The following NRXN3 variants were observed in gnomAD, a reference collection of about 807,000 sequenced individuals.
NRXN3 encodes the protein neurexin III.
A neutral mutation model predicts 137.6 loss-of-function variants in NRXN3; 32 were observed. The ratio of observed to expected loss-of-function variants is 0.23; its 90% CI spans 0.18 to 0.31. NRXN3 has a LOEUF of 0.31. Among genes scored for constraint, NRXN3 ranks in the 10% least tolerant of loss-of-function variants. The pLI, the probability that NRXN3 is intolerant of heterozygous loss-of-function variation, is 1.00. For missense variants in NRXN3, 1,574 were observed against 2,062.5 expected (o/e 0.76, Z 4.59); for synonymous variants, 798 against 784.5 (o/e 1.02, Z -0.29).
At chr14:79,593,810 GAAAAT>G (rs2097835021) in intron 16 of NRXN3, among the ~76,000 whole-genome samples, 1 of 151,964 alleles carries the variant, frequency 6.6e-6, no homozygotes, top group Admixed American at 6.6e-5. Context: ...ATACTTTTTG[GAAAAT>G]AAAATATTAA....
At chr14:79,347,124 C>A (rs1598970585) in intron 15 of NRXN3, among the ~76,000 whole-genome samples, 2 of 152,134 alleles carry the variant, frequency 1.3e-5, no homozygotes, top group African/African-American at 4.8e-5. Context: ...CTTGTCCCCC[C>A]ACCCTTATCT....
At chr14:78,677,847 C>T (rs923988400) in intron 6 of NRXN3, among the ~76,000 whole-genome samples, 2 of 152,160 alleles carry the variant, frequency 1.3e-5, no homozygotes, top group Non-Finnish European at 2.9e-5. Flanking sequence ...GTTATCAAAA[C>T]TGAGGCAGAC....
At chr14:79,814,259 A>T (rs1286790595) in intron 20 of NRXN3, among the ~76,000 whole-genome samples, 1 of 152,194 alleles carries the variant, frequency 6.6e-6, no homozygotes, top group Non-Finnish European at 1.5e-5. Flanking sequence ...GCAGTCAAGC[A>T]TGTGTCTCTT....
At chr14:79,387,702 G>C (rs568313457) in intron 15 of NRXN3, among the ~76,000 whole-genome samples, 22 of 151,788 alleles carry the variant, frequency 1.4e-4, no homozygotes, top group East Asian at 9.7e-4. Flanking sequence ...TTGGAACCAA[G>C]CCAAATGTCC....
intron 15 of NRXN3, among the ~76,000 whole-genome samples, chr14:79,224,162 A>AT (rs2070371415): frequency 6.6e-6 from 1 of 152,120 alleles, no homozygotes; most frequent in African/African-American, 2.4e-5. Context: ...TGCAAGGGTA[A>AT]TTTTTTTCCT....
At chr14:78,774,618 G>C (rs1186966423) in intron 8 of NRXN3, among the ~76,000 whole-genome samples, 1 of 152,152 alleles carries the variant, frequency 6.6e-6, no homozygotes, top group Non-Finnish European at 1.5e-5. Context: ...GAACCTAAGA[G>C]TCAAAAACAG....
intron 4 of NRXN3, among the ~76,000 whole-genome samples, chr14:78,545,125 C>A (rs1312888604): frequency 6.6e-6 from 1 of 152,064 alleles, no homozygotes; most frequent in Non-Finnish European, 1.5e-5. Flanking sequence ...ACTGGTTGTT[C>A]TCTTGTAAAT....
intron 19 of NRXN3, among the ~76,000 whole-genome samples, chr14:79,757,226 G>A (rs905958202): frequency 1.2e-4 from 18 of 152,112 alleles, no homozygotes; most frequent in Admixed American, 5.9e-4. Context: ...TAGCAACAAC[G>A]TATTCAGATG....
At chr14:78,787,196 T>G (rs1419040231) in intron 8 of NRXN3, among the ~76,000 whole-genome samples, 1 of 152,156 alleles carries the variant, frequency 6.6e-6, no homozygotes. Flanking sequence ...TTGAGGTTTG[T>G]TGAACTGGCA....
At chr14:79,777,490 G>C (rs1362651669) in intron 19 of NRXN3, among the ~76,000 whole-genome samples, 1 of 144,610 alleles carries the variant, frequency 6.9e-6, no homozygotes, top group East Asian at 2.0e-4. Context: ...AAAAAAAAAA[G>C]GTTCCTTTGC....
At chr14:79,818,800 C>T (rs2099261372) in intron 20 of NRXN3, among the ~76,000 whole-genome samples, 1 of 152,140 alleles carries the variant, frequency 6.6e-6, no homozygotes, top group African/African-American at 2.4e-5. Flanking sequence ...CTAAAAATCA[C>T]AATTAAAAAG....
chr14:79,555,470 A>G (rs1227659709), intron 16 of NRXN3, among the ~76,000 whole-genome samples: 1 of 152,158 alleles, frequency 6.6e-6, no homozygotes, highest in East Asian at 1.9e-4. Context: ...GGATGATTCG[A>G]TGTTTGCCCT....
At chr14:78,604,090 G>C (rs963695849) in intron 4 of NRXN3, among the ~76,000 whole-genome samples, 1 of 152,178 alleles carries the variant, frequency 6.6e-6, no homozygotes, top group Non-Finnish European at 1.5e-5. Context: ...GAGAGAATTA[G>C]AGCCAAGTGA....
At chr14:79,527,300 A>T (rs2153711819) in intron 16 of NRXN3, among the ~76,000 whole-genome samples, 1 of 150,102 alleles carries the variant, frequency 6.7e-6, no homozygotes, top group African/African-American at 2.4e-5. Flanking sequence ...TCTCAAAAAA[A>T]AAAAAAAAAA....
At chr14:79,504,649 A>ATATG (rs2096857310) in intron 16 of NRXN3, among the ~76,000 whole-genome samples, 2 of 124,264 alleles carry the variant, frequency 1.6e-5, no homozygotes, top group South Asian at 4.9e-4. Flanking sequence ...TTTTATATAT[A>ATATG]TATATGTATA....
chr14:78,963,733 C>G (rs2152988042), intron 11 of NRXN3, among the ~76,000 whole-genome samples: 1 of 152,202 alleles, frequency 6.6e-6, no homozygotes, highest in African/African-American at 2.4e-5. Context: ...CAAAACACTG[C>G]ATAGAAGCTC....
chr14:78,904,152 G>A (rs1429248913), intron 10 of NRXN3, among the ~76,000 whole-genome samples: 5 of 152,072 alleles, frequency 3.3e-5, no homozygotes, highest in Admixed American at 3.3e-4. Context: ...AAATCAGGCA[G>A]TCTGGTTTAC....
At chr14:79,399,532 C>T (rs2095129058) in intron 15 of NRXN3, among the ~76,000 whole-genome samples, 1 of 151,986 alleles carries the variant, frequency 6.6e-6, no homozygotes, top group African/African-American at 2.4e-5. Context: ...GTCTCTGACT[C>T]CAGGGGTCTA....
chr14:79,511,201 G>A lies in NRXN3; in HGVS notation c.3444+43799G>A, dbSNP rs1601455252. ...ATCAGTTTCACTGGAAAGATAGCAA[G>A]TGGAAAAAGTGTGCAGAGATATGAT... is the stretch of plus-strand genomic sequence containing the variant. On this transcript the variant is annotated intron_variant, in intron 16 of 20. Coordinates refer to ENST00000335750, the MANE Select transcript of NRXN3 (RefSeq NM_001330195.2). 2.0e-5 allele frequency among the ~76,000 whole-genome samples: 3 copies of A among 152,326 alleles called. No individual in the cohort carries two copies. The South Asian group carries it at 6.2e-4, about 32-fold the overall frequency.
Sources: allele counts gnomAD v4.1 joint callset (sites outside exome capture counted in the v4.1 genomes callset), GRCh38; gene constraint gnomAD v4.1.1; transcripts MANE v1.5; gene names NCBI Gene and HGNC (gene_info 2026-07-23, HGNC 2026-07-21).